GATB: variants seen among roughly 807,000 people sequenced by gnomAD.
The protein encoded by GATB is glutamyl-tRNA amidotransferase subunit B.
In GATB, 39 loss-of-function variants were observed where a neutral mutation model predicts 62.3. That is an observed-to-expected ratio of 0.63 (90% CI 0.48 to 0.82). The LOEUF (loss-of-function observed/expected upper bound fraction) is 0.82. Among genes scored for constraint, GATB ranks in the 40% least tolerant of loss-of-function variants. The pLI is 0.00. For synonymous variants in GATB, 276 were observed against 258.9 expected, an observed-to-expected ratio of 1.07 and a Z score of -0.63; for missense variants, 670 against 684.0, an observed-to-expected ratio of 0.98 and a Z score of 0.23.
At chr4:151,740,126 C>T (rs1739454632) in intron 2 of GATB, among the ~76,000 whole-genome samples, 1 of 152,196 alleles carries the variant, frequency 6.6e-6, no homozygotes, top group Admixed American at 6.5e-5. Flanking sequence ...ATCTGTCTGA[C>T]TTCTGTGCTG....
At chr4:151,735,486 G>A (rs554292274) in intron 2 of GATB, among the ~76,000 whole-genome samples, 5 of 151,912 alleles carry the variant, frequency 3.3e-5, no homozygotes, top group Admixed American at 6.5e-5. Context: ...CTTCTACACC[G>A]CTGGTGGGAA....
At chr4:151,692,024 G>A (rs1412282097) in intron 9 of GATB, among the ~76,000 whole-genome samples, 1 of 152,190 alleles carries the variant, frequency 6.6e-6, no homozygotes, top group Non-Finnish European at 1.5e-5. Context: ...CCCTGTGGGT[G>A]GCTGCGTGAG....
chr4:151,749,019 G>A (rs950101759), intron 2 of GATB, among the ~76,000 whole-genome samples: 1 of 152,208 alleles, frequency 6.6e-6, no homozygotes, highest in Admixed American at 6.5e-5. Context: ...ACAGGTGCTG[G>A]AGAGGATGTG....
chr4:151,705,241 T>C lies in GATB; in HGVS notation c.906A>G (p.Glu302=). The C allele has an allele frequency of 6.2e-7, 1 of 1,612,452 alleles. No homozygotes were observed. The highest frequency in any genetic ancestry group is 1.7e-4 in the Middle Eastern group (1 of 6,058). The change falls in exon 7 of 13, where the codon GAA becomes GAG. Residue 302 remains glutamate, a synonymous_variant. Transcript: ENST00000263985. ...TCAGAATTTCACCTCCATTCTCAAGTTCATTGATTTGCCTCTGAATTTCAT... is the reference window on the plus strand; with the variant it reads ...TCAGAATTTCACCTCCATTCTCAAGCTCATTGATTTGCCTCTGAATTTCAT... ...IDYEIQRQIN[E]LENGGEILNE... is the part of the protein sequence containing the mutation.
At chr4:151,760,782 G>A in intron 1 of GATB, 25 bp downstream of exon 1, 2 of 1,554,928 alleles carry the variant, frequency 1.3e-6, no homozygotes, top group East Asian at 2.4e-5. Context: ...CAGTTAGGTG[G>A]GCAGAAATGT....
At chr4:151,697,920 A>AAATCGATT (rs1437326330) in intron 9 of GATB, among the ~76,000 whole-genome samples, 1 of 129,790 alleles carries the variant, frequency 7.7e-6, no homozygotes, top group Non-Finnish European at 1.5e-5. Context: ...AAACAAACAA[A>AAATCGATT]AATCGATTTC....
At chr4:151,698,345 A>T (rs1263467098) in intron 9 of GATB, among the ~76,000 whole-genome samples, 1 of 152,176 alleles carries the variant, frequency 6.6e-6, no homozygotes, top group African/African-American at 2.4e-5. Context: ...TAAAGACTAG[A>T]GTTAAATTCT....
At chr4:151,696,349 TTG>T (rs761008867) in intron 9 of GATB, among the ~76,000 whole-genome samples, 13 of 152,366 alleles carry the variant, frequency 8.5e-5, no homozygotes, top group East Asian at 7.7e-4. Flanking sequence ...TGTTCTGTGA[TTG>T]TGCTGTACAA....
rs1167598923 is a variant in GATB, at chr4:151,710,452, TTTTG to T, written c.764-2355_764-2352del. ...TTTTCAGCAAAGCCTCTTAAACAAG[TTTTG>T]TTTGTTTGTTGCATACACTGTCTCC... On this transcript the variant is annotated intron_variant, in intron 5 of 12. Coordinates refer to ENST00000263985, the MANE Select transcript of GATB (RefSeq NM_004564.3). Among the ~76,000 whole-genome samples the T allele has an allele frequency of 3.3e-5, 5 of 152,302 alleles. No individual in the cohort carries two copies. In the East Asian group the frequency reaches 7.7e-4, roughly 24 times the overall value.
intron 9 of GATB, among the ~76,000 whole-genome samples, chr4:151,699,183 A>G (rs1738550207): frequency 6.6e-6 from 1 of 152,156 alleles, no homozygotes; most frequent in African/African-American, 2.4e-5. Context: ...TGAGGCCAGG[A>G]GTTCAACCAG....
At chr4:151,726,885 C>A (rs1225080045) in intron 2 of GATB, among the ~76,000 whole-genome samples, 4 of 152,156 alleles carry the variant, frequency 2.6e-5, no homozygotes, top group Admixed American at 2.6e-4. Context: ...CACTTGATGT[C>A]AGCATGGCTT....
At chr4:151,701,889 T>C (rs1738615181) in intron 8 of GATB, among the ~76,000 whole-genome samples, 8 of 152,220 alleles carry the variant, frequency 5.3e-5, no homozygotes, top group Admixed American at 5.2e-4. Flanking sequence ...GATTTCGTCA[T>C]GGGACCATCA....
chr4:151,687,960 G>A (rs754617568), intron 10 of GATB, among the ~76,000 whole-genome samples: 13 of 152,214 alleles, frequency 8.5e-5, no homozygotes, highest in Non-Finnish European at 1.9e-4. Flanking sequence ...GTGTGAAACT[G>A]GCATGAGCTT....
intron 8 of GATB, among the ~76,000 whole-genome samples, chr4:151,702,680 A>T (rs1738629539): frequency 6.6e-6 from 1 of 152,154 alleles, no homozygotes; most frequent in Non-Finnish European, 1.5e-5. Flanking sequence ...AAGGGAATTA[A>T]TTTTTTTAAG....
rs748371835 is a variant in GATB at position 151,671,133 on chromosome 4, C to CTGTT, written c.*37_*40dup. The CTGTT allele has an allele frequency of 4.5e-5, 72 of 1,612,610 alleles. No homozygotes were observed. The highest frequency in any genetic ancestry group is 5.5e-5 in the South Asian group (5 of 91,030). On this transcript the variant is annotated 3_prime_UTR_variant, in exon 13 of 13. Transcript: ENST00000263985. ...GGATCCTGTTCCCAGTCAGGCTGCA[C>CTGTT]TGTTTGTTGTTGTCCCTTGGGCAAG... is the stretch of plus-strand genomic sequence containing the variant.
intron 2 of GATB, among the ~76,000 whole-genome samples, chr4:151,747,473 G>A (rs2126996516): frequency 6.6e-6 from 1 of 152,272 alleles, no homozygotes; most frequent in East Asian, 1.9e-4. Context: ...GCAGTTAGGG[G>A]GCCAAGAAAT....
At chr4:151,722,373 T>G in intron 2 of GATB, 2 of 586,094 alleles carry the variant, frequency 3.4e-6, no homozygotes, top group East Asian at 2.9e-5. Context: ...ACTAGGGTGA[T>G]CCTGCTAAAA....
chr4:151,707,789 C>T (rs1050122179), intron 6 of GATB, among the ~76,000 whole-genome samples, 199 bp downstream of exon 6: 11 of 152,200 alleles, frequency 7.2e-5, no homozygotes, highest in Non-Finnish European at 1.5e-4. Flanking sequence ...GGTATGAGAG[C>T]GACTACCATG....
chr4:151,735,246 A>AAC (rs1739347207), intron 2 of GATB, among the ~76,000 whole-genome samples: 1 of 151,986 alleles, frequency 6.6e-6, no homozygotes, highest in African/African-American at 2.4e-5. Flanking sequence ...AAAAAAAAAA[A>AAC]AAAACAAACA....
Sources: allele counts gnomAD v4.1 joint callset (sites outside exome capture counted in the v4.1 genomes callset), GRCh38; gene constraint gnomAD v4.1.1; transcripts MANE v1.5; gene names NCBI Gene and HGNC (gene_info 2026-07-23, HGNC 2026-07-21).